Variants in GPHN observed in about 807,000 individuals in gnomAD.
The protein encoded by GPHN is gephyrin.
A neutral mutation model predicts 95.5 loss-of-function variants in GPHN; 17 were observed. The observed-to-expected ratio is 0.18, with a 90% confidence interval of 0.12 to 0.27. The LOEUF (loss-of-function observed/expected upper bound fraction) is 0.27. Among genes scored for constraint, GPHN ranks in the 10% least tolerant of loss-of-function variants. GPHN has a pLI of 1.00. For missense variants in GPHN, 660 were observed against 978.1 expected, an observed-to-expected ratio of 0.67 and a Z score of 4.34; for synonymous variants, 320 against 322.5, an observed-to-expected ratio of 0.99 and a Z score of 0.08.
intron 1 of GPHN, among the ~76,000 whole-genome samples, chr14:66,510,741 A>G (rs748978736): frequency 6.6e-6 from 1 of 152,180 alleles, no homozygotes; most frequent in Admixed American, 6.5e-5. Flanking sequence ...AAATAAATAT[A>G]TAGTTGATGA....
chr14:67,396,089 C>T, the GPHN span, among the ~76,000 whole-genome samples: 3 of 152,172 alleles, frequency 2.0e-5, no homozygotes, highest in Admixed American at 2.0e-4. Flanking sequence ...ACACATTTCT[C>T]ATAGGATATA....
At chr14:66,749,107 TG>T (rs1375458107) in intron 2 of GPHN, among the ~76,000 whole-genome samples, 1 of 151,952 alleles carries the variant, frequency 6.6e-6, no homozygotes, top group Non-Finnish European at 1.5e-5. Flanking sequence ...ATTCTTATAG[TG>T]TGTGTCCTTT....
the GPHN span, among the ~76,000 whole-genome samples, chr14:67,458,160 G>A: frequency 3.9e-5 from 6 of 152,266 alleles, no homozygotes; most frequent in African/African-American, 9.6e-5. Flanking sequence ...TTTCAGCTTC[G>A]GATCTTTGCT....
the GPHN span, chr14:67,570,015 A>G: frequency 1.3e-6 from 2 of 1,568,434 alleles, no homozygotes; most frequent in Non-Finnish European, 1.7e-6. Flanking sequence ...TGAAGGGGGT[A>G]AGAAACTGCT....
At chr14:66,911,085 A>G (rs970383325) in intron 5 of GPHN, among the ~76,000 whole-genome samples, 4 of 152,012 alleles carry the variant, frequency 2.6e-5, no homozygotes, top group African/African-American at 9.7e-5. Flanking sequence ...TATGTGGAAA[A>G]GTTTTTTTTA....
chr14:67,172,252 C>G (rs1192180031), intron 21 of GPHN, among the ~76,000 whole-genome samples: 1 of 152,082 alleles, frequency 6.6e-6, no homozygotes, highest in African/African-American at 2.4e-5. Flanking sequence ...CCCAGCCCGC[C>G]GCCCGCCGCA....
At chr14:66,870,583 A>G (rs2063393469) in intron 4 of GPHN, among the ~76,000 whole-genome samples, 1 of 152,178 alleles carries the variant, frequency 6.6e-6, no homozygotes, top group Admixed American at 6.6e-5. Flanking sequence ...ATACCCTGAA[A>G]AATATTTTAG....
chr14:67,146,908 C>G (rs1306954855), intron 18 of GPHN, among the ~76,000 whole-genome samples: 1 of 152,138 alleles, frequency 6.6e-6, no homozygotes, highest in African/African-American at 2.4e-5. Flanking sequence ...TGACACATGC[C>G]TATAATCCCA....
intron 20 of GPHN, 78 bp from the exon 21 acceptor site, chr14:67,168,855 C>A: frequency 3.1e-6 from 3 of 953,946 alleles, no homozygotes; most frequent in South Asian, 1.3e-5. Flanking sequence ...ATTCTGATAC[C>A]CAAAGATATA....
At chr14:66,864,483 GA>G (rs1395435813) in intron 4 of GPHN, among the ~76,000 whole-genome samples, 4 of 152,082 alleles carry the variant, frequency 2.6e-5, no homozygotes, top group Non-Finnish European at 1.5e-5. Context: ...CAAAAGAATG[GA>G]AATCAAGGCC....
chr14:67,622,023 G>A, the GPHN span, among the ~76,000 whole-genome samples: 1 of 152,076 alleles, frequency 6.6e-6, no homozygotes. Context: ...CTTGAACCTG[G>A]GAGGCAAAGG....
chr14:67,277,940 TG>T, the GPHN span, among the ~76,000 whole-genome samples: 2 of 152,198 alleles, frequency 1.3e-5, no homozygotes, highest in African/African-American at 2.4e-5. Flanking sequence ...GTGATCTTTT[TG>T]CTGTACAGTA....
chr14:66,706,821 AT>A (rs2153419083), intron 2 of GPHN, among the ~76,000 whole-genome samples: 1 of 152,296 alleles, frequency 6.6e-6, no homozygotes, highest in Admixed American at 6.5e-5. Flanking sequence ...ATGGGATCTA[AT>A]TAAACTAAAG....
the GPHN span, among the ~76,000 whole-genome samples, chr14:67,329,581 T>G: frequency 6.6e-6 from 1 of 152,174 alleles, no homozygotes; most frequent in Non-Finnish European, 1.5e-5. Context: ...TGCTTCCAGT[T>G]TTTGTCCATT....
chr14:67,032,978 T>G (rs2074259079), intron 10 of GPHN, among the ~76,000 whole-genome samples: 1 of 152,098 alleles, frequency 6.6e-6, no homozygotes, highest in South Asian at 2.1e-4. Context: ...ATAATTACCT[T>G]TAAAAAGGTC....
At chr14:67,428,016 G>A in the GPHN span, among the ~76,000 whole-genome samples, 73 of 151,860 alleles carry the variant, frequency 4.8e-4, no homozygotes, top group African/African-American at 1.7e-3. Flanking sequence ...CTGCCTCCCG[G>A]GTTCAAGCGA....
chr14:66,675,149 T>TTG (rs1418825901), intron 1 of GPHN, among the ~76,000 whole-genome samples: 2 of 150,840 alleles, frequency 1.3e-5, no homozygotes, highest in Admixed American at 6.6e-5. Context: ...TTTTCCAGTT[T>TTG]TTTTTTTTTT....
the GPHN span, chr14:67,467,724 G>A: frequency 6.6e-6 from 1 of 152,152 alleles, no homozygotes; most frequent in African/African-American, 2.4e-5. Flanking sequence ...AGGGGTATTG[G>A]ACTCACCACA....
the GPHN span, among the ~76,000 whole-genome samples, chr14:67,465,512 A>G: frequency 6.6e-6 from 1 of 152,252 alleles, no homozygotes; most frequent in Non-Finnish European, 1.5e-5. Context: ...TCAGATCTGC[A>G]TCTAAACAGA....
Sources: gnomAD v4.1 joint callset for allele counts (sites outside exome capture counted in the v4.1 genomes callset) on GRCh38, gnomAD v4.1.1 for gene constraint, MANE v1.5 for transcripts, NCBI Gene and HGNC (gene_info 2026-07-23, HGNC 2026-07-21) for gene names.